Variants in BMPR1B observed in about 807,000 individuals in gnomAD.
BMPR1B encodes bone morphogenetic protein receptor type-1B.
In BMPR1B, 12 loss-of-function variants were observed where a neutral mutation model predicts 59.1. The observed-to-expected ratio is 0.20, with a 90% CI of 0.13 to 0.33. BMPR1B has a LOEUF of 0.33. Among genes scored for constraint, BMPR1B ranks in the 10% least tolerant of loss-of-function variants. The pLI is 1.00. For synonymous variants in BMPR1B, 237 were observed against 207.3 expected (o/e 1.14, Z -1.23); for missense variants, 550 against 610.9 (o/e 0.90, Z 1.05).
At chr4:94,928,197 A>C (rs1728963229) in intron 2 of BMPR1B, among the ~76,000 whole-genome samples, 1 of 149,704 alleles carries the variant, frequency 6.7e-6, no homozygotes, top group Non-Finnish European at 1.5e-5. Context: ...AAATAAAGCT[A>C]TGTTGCCCAG....
intron 2 of BMPR1B, among the ~76,000 whole-genome samples, chr4:94,934,453 G>GTTTTTTTTTTTTTTTTTT (rs371268875): frequency 8.7e-6 from 1 of 115,288 alleles, no homozygotes. Flanking sequence ...CCCAGCTATG[G>GTTTTTTTTTTTTTTTTTT]TTTTTTTTTT....
chr4:95,123,570 C>G (rs536858186), intron 6 of BMPR1B, among the ~76,000 whole-genome samples: 1 of 152,146 alleles, frequency 6.6e-6, no homozygotes, highest in African/African-American at 2.4e-5. Context: ...CGAGCCTGTT[C>G]CTTCCAGACA....
At chr4:94,984,584 G>A (rs755205008) in intron 2 of BMPR1B, among the ~76,000 whole-genome samples, 1 of 152,114 alleles carries the variant, frequency 6.6e-6, no homozygotes, top group Non-Finnish European at 1.5e-5. Context: ...CTAATAGCTA[G>A]ATGACTAGGT....
chr4:94,945,853 A>G (rs1416418994), intron 2 of BMPR1B, among the ~76,000 whole-genome samples: 1 of 152,206 alleles, frequency 6.6e-6, no homozygotes, highest in Non-Finnish European at 1.5e-5. Flanking sequence ...TTTACATAAT[A>G]TATTGACCTC....
chr4:94,853,973 C>G (rs1725661916), intron 1 of BMPR1B, among the ~76,000 whole-genome samples: 1 of 152,116 alleles, frequency 6.6e-6, no homozygotes, highest in Non-Finnish European at 1.5e-5. Flanking sequence ...CCTTTTTCTT[C>G]AGGATGGTGA....
intron 3 of BMPR1B, among the ~76,000 whole-genome samples, chr4:95,085,567 G>A (rs6836821): frequency 0.29 from 43,478 of 152,028 alleles, 6,819 homozygotes; most frequent in South Asian, 0.4. Context: ...GACCACTCCC[G>A]GTCCCTCAAC....
At chr4:95,121,088 G>A (rs1192033358) in intron 6 of BMPR1B, among the ~76,000 whole-genome samples, 6 of 152,294 alleles carry the variant, frequency 3.9e-5, no homozygotes, top group Admixed American at 6.5e-5. Flanking sequence ...GATTACAGGC[G>A]TGAGCCACTG....
At chr4:94,871,280 G>A (rs1233405451) in intron 1 of BMPR1B, among the ~76,000 whole-genome samples, 9 of 152,108 alleles carry the variant, frequency 5.9e-5, no homozygotes, top group East Asian at 1.9e-4. Flanking sequence ...AAGCTAATGC[G>A]TACATCCTTT....
intron 3 of BMPR1B, among the ~76,000 whole-genome samples, chr4:95,101,959 G>C (rs887694114): frequency 6.6e-6 from 1 of 151,924 alleles, no homozygotes; most frequent in African/African-American, 2.4e-5. Flanking sequence ...ATTATAGTGG[G>C]ATTTAATAAC....
At chr4:95,082,318 A>G (rs1251299125) in intron 3 of BMPR1B, among the ~76,000 whole-genome samples, 1 of 151,962 alleles carries the variant, frequency 6.6e-6, no homozygotes. Flanking sequence ...AGAACAAAAC[A>G]TTTGAGAACT....
At chr4:94,954,074 G>C (rs1057485590) in intron 2 of BMPR1B, among the ~76,000 whole-genome samples, 32 of 151,804 alleles carry the variant, frequency 2.1e-4, no homozygotes, top group Non-Finnish European at 1.3e-4. Flanking sequence ...ACTTGTGTAT[G>C]CTTCACAAAG....
chr4:94,890,816 C>A (rs1165268422), intron 2 of BMPR1B, among the ~76,000 whole-genome samples: 2 of 151,936 alleles, frequency 1.3e-5, no homozygotes, highest in Non-Finnish European at 2.9e-5. Flanking sequence ...TCCTCATGAT[C>A]TCATGTAAAC....
At chr4:94,890,187 G>A (rs1005687552) in intron 2 of BMPR1B, among the ~76,000 whole-genome samples, 1 of 152,042 alleles carries the variant, frequency 6.6e-6, no homozygotes, top group Non-Finnish European at 1.5e-5. Flanking sequence ...ATAACAAGAA[G>A]CCTGCTAGAG....
intron 10 of BMPR1B, among the ~76,000 whole-genome samples, chr4:95,137,921 T>G (rs1733927299): frequency 6.6e-6 from 1 of 152,210 alleles, no homozygotes; most frequent in Admixed American, 6.5e-5. Context: ...AGGTTAATAT[T>G]GTTATGTGTG....
At chr4:94,759,079 GT>G (rs1721654312) in intron 1 of BMPR1B, among the ~76,000 whole-genome samples, 1 of 152,200 alleles carries the variant, frequency 6.6e-6, no homozygotes, top group Non-Finnish European at 1.5e-5. Context: ...TCTGGAAGTT[GT>G]CCGCTGTGGT....
In BMPR1B at chr4:94,782,242, C is replaced by T. The variant is rs142970317; in HGVS notation, c.-183+24174C>T. 8.3e-3 allele frequency among the ~76,000 whole-genome samples: 1,263 copies of T among 152,020 alleles called. 11 individuals are homozygous for T. The highest frequency in any genetic ancestry group is 0.065 in the Middle Eastern group (19 of 294). ...CATTGACCTATCTTGTTTGTTTATT[C>T]CTTCTTCTGTCAGTTGAAAGATACA... On this transcript the variant is annotated intron_variant, in intron 1 of 12. Coordinates refer to ENST00000515059, the MANE Select transcript of BMPR1B (RefSeq NM_001203.3).
At chr4:95,091,729 C>T in intron 3 of BMPR1B, 2 of 910,830 alleles carry the variant, frequency 2.2e-6, no homozygotes, top group Admixed American at 6.2e-5. Flanking sequence ...ACAATAAAAG[C>T]TGTTAGAACT....
chr4:94,972,976 G>A (rs768976855), intron 2 of BMPR1B, among the ~76,000 whole-genome samples: 30 of 152,094 alleles, frequency 2.0e-4, no homozygotes, highest in Admixed American at 5.2e-4. Context: ...TTGGGTGTTG[G>A]CAGGAACAAA....
At chr4:94,889,093 A>G (rs1334389161) in intron 2 of BMPR1B, among the ~76,000 whole-genome samples, 1 of 152,030 alleles carries the variant, frequency 6.6e-6, no homozygotes, top group Non-Finnish European at 1.5e-5. Context: ...GAGGAATAGG[A>G]TGTCAGTACC....
Sources: allele counts gnomAD v4.1 joint callset (sites outside exome capture counted in the v4.1 genomes callset), GRCh38; gene constraint gnomAD v4.1.1; transcripts MANE v1.5; gene names NCBI Gene and HGNC (gene_info 2026-07-23, HGNC 2026-07-21).